NOPCHAP1: variants seen among roughly 807,000 people sequenced by gnomAD.
NOPCHAP1 encodes NOP protein chaperone 1.
A neutral mutation model predicts 14.0 loss-of-function variants in NOPCHAP1; 13 were observed. That is an observed-to-expected ratio of 0.93 (90% CI 0.60 to 1.47). The LOEUF is 1.47. NOPCHAP1 is among the 40% of genes most tolerant of loss of function. The pLI is 0.00. For missense variants in NOPCHAP1, 230 were observed against 226.9 expected (o/e 1.01, Z -0.09); for synonymous variants, 78 against 78.4 (o/e 1.00, Z 0.03).
At chr12:104,990,247 C>T (rs1019562714) in intron 2 of NOPCHAP1, among the ~76,000 whole-genome samples, 1 of 152,148 alleles carries the variant, frequency 6.6e-6, no homozygotes, top group Non-Finnish European at 1.5e-5. Flanking sequence ...TAGAGTACCA[C>T]GGAATTATTT....
At chr12:104,992,031 G>GT (rs998042485) in intron 3 of NOPCHAP1, among the ~76,000 whole-genome samples, 183 bp downstream of exon 3, 4 of 151,906 alleles carry the variant, frequency 2.6e-5, no homozygotes, top group South Asian at 4.2e-4. Flanking sequence ...TCACAGGAAG[G>GT]TTTTTTTTCC....
In NOPCHAP1 at chr12:104,995,493, T is replaced by C. The variant is rs971324302; in HGVS notation, c.*797T>C. On this transcript the variant is annotated 3_prime_UTR_variant, in exon 4 of 4. Coordinates refer to ENST00000552951, the MANE Select transcript of NOPCHAP1 (RefSeq NM_152318.3). ...AAAGAGGAGATCTAAGGCTGCATGA[T>C]ATCCCATTAAGTGCTTTTGTTAAAT... The C allele has an allele frequency of 2.0e-5, 3 of 152,210 alleles. No homozygotes were observed. The highest frequency in any genetic ancestry group is 4.4e-5 in the Non-Finnish European group (3 of 68,038). 9.4% of individuals were successfully genotyped at this position (152,210 alleles called of 1,614,324 possible). A position where few individuals can be genotyped will look rare whatever the true frequency, so the allele number is the denominator to read the frequency against.
Position 104,999,226 on chromosome 12 carries a change from CG to C in NOPCHAP1, c.*4535del, listed in dbSNP as rs1565940365. 1.3e-5 allele frequency: 2 copies of C among 152,474 alleles called. No homozygotes were observed. The highest frequency in any genetic ancestry group is 1.9e-4 in the East Asian group (1 of 5,178). The allele number at this position is 152,474 out of a possible 1,614,324, so 9.4% of individuals were successfully genotyped here. A position where few individuals can be genotyped will look rare whatever the true frequency, so the allele number is the denominator to read the frequency against. ...GTACACAGGTGCTGGCAAAGTGATT[CG>C]GGGGTTGGCTGCATGCCAGCGTCTG... On this transcript the variant is annotated 3_prime_UTR_variant, in exon 4 of 4. Coordinates refer to ENST00000552951, the MANE Select transcript of NOPCHAP1 (RefSeq NM_152318.3).
intron 3 of NOPCHAP1, among the ~76,000 whole-genome samples, chr12:104,993,131 A>G (rs1873419801): frequency 6.6e-6 from 1 of 151,874 alleles, no homozygotes; most frequent in African/African-American, 2.4e-5. Flanking sequence ...ATCCTGCTTT[A>G]TTTTTCCATA....
chr12:105,002,053 C>T lies in NOPCHAP1; in HGVS notation c.*7357C>T, dbSNP rs1384851715. On this transcript the variant is annotated 3_prime_UTR_variant, in exon 4 of 4. Coordinates refer to ENST00000552951, the MANE Select transcript of NOPCHAP1 (RefSeq NM_152318.3). ...ATTCTAGTGGGGAAATAGTATGGCC[C>T]CAAGGAAGGAGGCTTACTGGTATAC... The T allele has an allele frequency of 1.3e-5, 2 of 151,940 alleles. No homozygotes were observed. The highest frequency in any genetic ancestry group is 1.3e-4 in the Admixed American group (2 of 15,248). 9.4% of individuals were successfully genotyped at this position (151,940 alleles called of 1,614,324 possible).
chr12:105,010,834 T>G lies in NOPCHAP1; in HGVS notation c.*16138T>G, dbSNP rs532577410. On this transcript the variant is annotated 3_prime_UTR_variant, in exon 4 of 4. Coordinates refer to ENST00000552951, the MANE Select transcript of NOPCHAP1 (RefSeq NM_152318.3). ...GTTTTAATTTGATTGCACTGTGGTC[T>G]GAGAGACCATTTGTTATGATTTCCG... 6.6e-6 allele frequency: 1 copy of G among 152,270 alleles called. No individual in the cohort carries two copies. Among genetic ancestry groups the G allele is most frequent in the Admixed American group, 6.5e-5 (1 of 15,286 alleles). The allele number at this position is 152,270 out of a possible 1,614,324, so 9.4% of individuals were successfully genotyped here. A position where few individuals can be genotyped will look rare whatever the true frequency, so the allele number is the denominator to read the frequency against.
chr12:105,002,111 T>A lies in NOPCHAP1; in HGVS notation c.*7415T>A, dbSNP rs967057541. On this transcript the variant is annotated 3_prime_UTR_variant, in exon 4 of 4. Coordinates refer to ENST00000552951, the MANE Select transcript of NOPCHAP1 (RefSeq NM_152318.3). ...AGAATGCAAAATCTCTTTTCCAGCATCCTAGTTGTTTGCAATGAAGGGAGA... is the reference window on the plus strand; with the variant it reads ...AGAATGCAAAATCTCTTTTCCAGCAACCTAGTTGTTTGCAATGAAGGGAGA... The A allele has an allele frequency of 6.6e-6, 1 of 152,198 alleles. No individual in the cohort carries two copies. Among genetic ancestry groups the A allele is most frequent in the African/African-American group, 2.4e-5 (1 of 41,462 alleles). 9.4% of individuals were successfully genotyped at this position (152,198 alleles called of 1,614,324 possible). A position where few individuals can be genotyped will look rare whatever the true frequency, so the allele number is the denominator to read the frequency against.
At position 105,016,997 on chromosome 12, in the gene NOPCHAP1, T is replaced by C. The variant is rs1873959771; in HGVS notation, c.*22301T>C. 6.6e-6 allele frequency: 1 copy of C among 152,184 alleles called. No individual in the cohort carries two copies. The highest frequency in any genetic ancestry group is 2.4e-5 in the African/African-American group (1 of 41,450). 9.4% of individuals were successfully genotyped at this position (152,184 alleles called of 1,614,324 possible). ...AATGAGTGAAATGTTCTCTTCAAAC[T>C]TGTGGCGTACCGTCTTTCTATGGCT... On this transcript the variant is annotated 3_prime_UTR_variant, in exon 4 of 4. Transcript: ENST00000552951.
At chr12:104,990,741 T>C (rs1300555896) in intron 2 of NOPCHAP1, among the ~76,000 whole-genome samples, 1 of 152,200 alleles carries the variant, frequency 6.6e-6, no homozygotes. Flanking sequence ...TCCTCTTTTA[T>C]GGATTAGTAC....
rs968821488 is a variant in NOPCHAP1 at position 105,010,156 on chromosome 12, T to A, written c.*15460T>A. 2.1e-4 allele frequency: 32 copies of A among 152,228 alleles called. No homozygotes were observed. The highest frequency in any genetic ancestry group is 3.8e-4 in the Non-Finnish European group (26 of 68,044). 9.4% of individuals were successfully genotyped at this position (152,228 alleles called of 1,614,324 possible). ...TCAATTTCAGAACTTGTTATTGGTC[T>A]ATTCAGGGATTCAACGTTTTCCTGG... On this transcript the variant is annotated 3_prime_UTR_variant, in exon 4 of 4. Coordinates refer to ENST00000552951, the MANE Select transcript of NOPCHAP1 (RefSeq NM_152318.3).
chr12:104,986,324 G>T lies in NOPCHAP1; in HGVS notation c.-29G>T, dbSNP rs1379291569. 9.5e-6 allele frequency: 15 copies of T among 1,571,346 alleles called. No homozygotes were observed. The highest frequency in any genetic ancestry group is 1.3e-5 in the Non-Finnish European group (15 of 1,153,908). Reference sequence around the variant, plus strand: ...TTACCCGAGCCTTTTTCCTGCATCCGGGCCTGAGAGTGCAGGCTTGAGGGA... The same window carrying T: ...TTACCCGAGCCTTTTTCCTGCATCCTGGCCTGAGAGTGCAGGCTTGAGGGA... On this transcript the variant is annotated 5_prime_UTR_variant, in exon 1 of 4. Transcript: ENST00000552951.
chr12:104,988,555 T>C (rs1414509732), intron 2 of NOPCHAP1, among the ~76,000 whole-genome samples: 3 of 152,192 alleles, frequency 2.0e-5, no homozygotes, highest in Admixed American at 6.5e-5. Flanking sequence ...AAACTTAATA[T>C]ATATGGATGG....
Position 104,995,025 on chromosome 12 carries a change from C to A in NOPCHAP1, c.*329C>A, listed in dbSNP as rs761315326. ...AATAAGGCAAAGAGGAGACCTAAGG[C>A]TGCCTGATGTCCCATAGGTATGGTC... On this transcript the variant is annotated 3_prime_UTR_variant, in exon 4 of 4. Transcript: ENST00000552951. 6.2e-6 allele frequency: 2 copies of A among 320,372 alleles called. No individual in the cohort carries two copies. The highest frequency in any genetic ancestry group is 1.2e-5 in the Non-Finnish European group (2 of 170,566). 19.8% of individuals were successfully genotyped at this position (320,372 alleles called of 1,614,324 possible).
chr12:104,988,359 C>T lies in NOPCHAP1; in HGVS notation c.202+106C>T, dbSNP rs1592747333. ...TGTCAGGTATCAAACCACAGATAGT[C>T]CAGTGGAACAAGTCCTACTTGGGAT... is the stretch of plus-strand genomic sequence containing the variant. On this transcript the variant is annotated intron_variant, in intron 2 of 3. Transcript: ENST00000552951. 1.3e-4 allele frequency: 97 copies of T among 775,356 alleles called. No homozygotes were observed. In the East Asian group the frequency reaches 2.6e-3, roughly 21 times the overall value. 48.0% of individuals were successfully genotyped at this position (775,356 alleles called of 1,614,324 possible).
At position 105,000,443 on chromosome 12, in the gene NOPCHAP1, G is replaced by A. The variant is rs1873586340; in HGVS notation, c.*5747G>A. ...CAGTTGCTCTGTTTTTTCTGCTAGA[G>A]CATGAGCCTTACCTAAAGCCATTGC... On this transcript the variant is annotated 3_prime_UTR_variant, in exon 4 of 4. Transcript: ENST00000552951. 6.6e-6 allele frequency: 1 copy of A among 152,146 alleles called. No individual in the cohort carries two copies. Among genetic ancestry groups the A allele is most frequent in the South Asian group, 2.1e-4 (1 of 4,822 alleles). 9.4% of individuals were successfully genotyped at this position (152,146 alleles called of 1,614,324 possible). A position where few individuals can be genotyped will look rare whatever the true frequency, so the allele number is the denominator to read the frequency against.
rs373902914 is a variant in NOPCHAP1 at position 104,994,439 on chromosome 12, C to G, written c.340-39C>G. On this transcript the variant is annotated intron_variant, in intron 3 of 3. Transcript: ENST00000552951. ...TGTTTTATTACGACTTTTTAAGGAA[C>G]TGCTCTGAAATAGATTTCCTGTCCA... The G allele has an allele frequency of 2.6e-6, 4 of 1,533,318 alleles. No individual in the cohort carries two copies. In the African/African-American group the frequency reaches 4.1e-5, roughly 16 times the overall value. The allele number at this position is 1,533,318 out of a possible 1,614,324, so 95.0% of individuals were successfully genotyped here. A position where few individuals can be genotyped will look rare whatever the true frequency, so the allele number is the denominator to read the frequency against.
intron 2 of NOPCHAP1, among the ~76,000 whole-genome samples, chr12:104,989,064 G>T (rs770651149): frequency 6.6e-6 from 1 of 151,794 alleles, no homozygotes; most frequent in Non-Finnish European, 1.5e-5. Context: ...CACCAGCAAG[G>T]TATGAGAGTT....
intron 3 of NOPCHAP1, among the ~76,000 whole-genome samples, chr12:104,992,651 C>T (rs922999888): frequency 2.6e-5 from 4 of 152,270 alleles, no homozygotes; most frequent in South Asian, 4.2e-4. Flanking sequence ...GGAAGCAGGT[C>T]GCACAGCAGG....
intron 1 of NOPCHAP1, among the ~76,000 whole-genome samples, chr12:104,986,798 G>A (rs892989209): frequency 2.0e-5 from 3 of 152,220 alleles, no homozygotes; most frequent in African/African-American, 7.2e-5. Flanking sequence ...GGGAAGGGAG[G>A]GCTTTTGGTT....
Sources: allele counts gnomAD v4.1 joint callset (sites outside exome capture counted in the v4.1 genomes callset), GRCh38; gene constraint gnomAD v4.1.1; transcripts MANE v1.5; gene names NCBI Gene and HGNC (gene_info 2026-07-23, HGNC 2026-07-21).